The following COPE variants were observed in gnomAD, a reference collection of about 807,000 sequenced individuals.
COPE encodes the protein coat protein complex I subunit epsilon.
A neutral mutation model predicts 42.1 loss-of-function variants in COPE; 19 were observed. The observed-to-expected ratio is 0.45, with a 90% confidence interval of 0.31 to 0.66. The LOEUF (loss-of-function observed/expected upper bound fraction) is 0.66. COPE is among the 30% of genes least tolerant of loss of function. The pLI is 0.05. For missense variants in COPE, 402 were observed against 416.1 expected (o/e 0.97, Z 0.30); for synonymous variants, 195 against 181.3 (o/e 1.08, Z -0.60).
In COPE at chr19:18,913,337, C is replaced by A. The variant is rs377688135; in HGVS notation, c.127-291G>T. Among the ~76,000 whole-genome samples the A allele has an allele frequency of 1.6e-4, 25 of 152,370 alleles. No individual in the cohort carries two copies. The East Asian group carries it at 3.9e-3, about 23-fold the overall frequency. On this transcript the variant is annotated intron_variant, in intron 1 of 9. Transcript: ENST00000262812. ...TTAAGAAGCCAGGGTGGCACCCGCA[C>A]CTCTAACCTCTGGACATGGGGCCAC...
rs559125042 is a variant in COPE at position 18,905,923 on chromosome 19, C to T, written c.444-294G>A. The T allele has an allele frequency of 8.2e-5, 43 of 526,596 alleles. 1 individual carries two copies. The highest frequency in any genetic ancestry group is 3.0e-4 in the South Asian group (11 of 36,536). 32.6% of individuals were successfully genotyped at this position (526,596 alleles called of 1,614,324 possible). ...GTGCTTCCAGATGGAGGGCCCTGCCCGGACTCGACACCCTGGAGGCATCAA... is the reference window on the plus strand; with the variant it reads ...GTGCTTCCAGATGGAGGGCCCTGCCTGGACTCGACACCCTGGAGGCATCAA... On this transcript the variant is annotated intron_variant, in intron 4 of 9. Coordinates refer to ENST00000262812, the MANE Select transcript of COPE (RefSeq NM_007263.4).
intron 1 of COPE, among the ~76,000 whole-genome samples, chr19:18,917,233 CT>C (rs1224483756): frequency 9.2e-6 from 1 of 108,930 alleles, no homozygotes; most frequent in African/African-American, 3.1e-5. Context: ...TAGAAACATT[CT>C]TTTTTTCTTT....
rs754361016 is a variant in COPE, at chr19:18,905,597, A to G, written c.476T>C (p.Leu159Pro). The G allele has an allele frequency of 4.4e-6, 7 of 1,593,472 alleles. No individual in the cohort carries two copies. The highest frequency in any genetic ancestry group is 5.9e-6 in the Non-Finnish European group (7 of 1,177,576). The change falls in exon 5 of 10, where the codon CTG becomes CCG. Residue 159 changes from leucine to proline, a missense_variant. Coordinates refer to ENST00000262812, the MANE Select transcript of COPE (RefSeq NM_007263.4). ...TCACCGGGCGAGGTCCAGGCGGTCCAGCTTCAGCAGGATCTGCACTGTCAT... is the reference window on the plus strand; with the variant it reads ...TCACCGGGCGAGGTCCAGGCGGTCCGGCTTCAGCAGGATCTGCACTGTCAT... ...TAMTVQILLK[L>P]DRLDLARKEL...
chr19:18,906,868 T>A (rs1195746530), intron 4 of COPE, 92 bp downstream of exon 4: 2 of 1,399,172 alleles, frequency 1.4e-6, no homozygotes, highest in African/African-American at 2.9e-5. Context: ...TCTGCTCCCA[T>A]GACGACAGCC....
In COPE at chr19:18,905,634, A is replaced by C. The variant is rs1400979383; in HGVS notation, c.444-5T>G. 6.3e-7 allele frequency: 1 copy of C among 1,591,250 alleles called. No individual in the cohort carries two copies. Among genetic ancestry groups the C allele is most frequent in the South Asian group, 1.1e-5 (1 of 89,032 alleles). ...ATCTGCACTGTCATGGCTGTGCTGC[A>C]GGACAGGGCGAGGGGGCGGTCAGCG... On this transcript the variant is annotated splice_region_variant and splice_polypyrimidine_tract_variant and intron_variant, in intron 4 of 9. Transcript: ENST00000262812.
At chr19:18,900,854 C>T (rs996714260) in intron 7 of COPE, among the ~76,000 whole-genome samples, 5 of 152,162 alleles carry the variant, frequency 3.3e-5, no homozygotes, top group African/African-American at 1.2e-4. Context: ...GGCAGGGGAC[C>T]TTGCCTGACT....
At chr19:18,917,230 ATTCTTTTT>A (rs771421272) in intron 1 of COPE, among the ~76,000 whole-genome samples, 2,848 of 117,182 alleles carry the variant, frequency 0.024, 28 homozygotes, top group Middle Eastern at 0.078. Flanking sequence ...TACTAGAAAC[ATTCTTTTT>A]TTCTTTTTTT....
chr19:18,902,634 C>A (rs1286334059), intron 7 of COPE, among the ~76,000 whole-genome samples: 1 of 124,746 alleles, frequency 8.0e-6, no homozygotes, highest in Non-Finnish European at 1.6e-5. Flanking sequence ...CACTGCACTG[C>A]AGCCTGGGTG....
Position 18,919,045 on chromosome 19 carries a change from T to G in COPE, c.126+178A>C, listed in dbSNP as rs966925750. On this transcript the variant is annotated intron_variant, in intron 1 of 9. Coordinates refer to ENST00000262812, the MANE Select transcript of COPE (RefSeq NM_007263.4). ...TACGAGTGAGCAGTACCGTAAACTG[T>G]TACTGCTCTGGGTTCTGTCACGGGA... Among the ~76,000 whole-genome samples the G allele has an allele frequency of 2.6e-5, 4 of 152,264 alleles. No homozygotes were observed. In the South Asian group the frequency reaches 8.3e-4, roughly 31 times the overall value.
chr19:18,913,031 T>C lies in COPE; in HGVS notation c.142A>G (p.Arg48Gly), dbSNP rs1397750387. 1.9e-6 allele frequency: 3 copies of C among 1,611,548 alleles called. No individual in the cohort carries two copies. The Admixed American group carries it at 5.0e-5, about 27-fold the overall frequency. Residue 48 changes from arginine to glycine, a missense_variant, in exon 2 of 10, where the codon AGA becomes GGA. Physicochemically the swap from Arg to Gly is moderately radical, Grantham distance 125 (BLOSUM62 -2). Transcript: ENST00000262812. Reference sequence around the variant, plus strand: ...AGGAAGACGTCCCTCTCCACGTCTCTCTCTGGGCTTGATAGCTGTGGGAAC... The same window carrying C: ...AGGAAGACGTCCCTCTCCACGTCTCCCTCTGGGCTTGATAGCTGTGGGAAC... ...AQRVKLSSPE[R>G]DVERDVFLYR...
chr19:18,905,133 G>A (rs1053596846), intron 5 of COPE, among the ~76,000 whole-genome samples: 2 of 152,224 alleles, frequency 1.3e-5, no homozygotes, highest in Non-Finnish European at 2.9e-5. Context: ...GGAACGCAGG[G>A]AAGGGCAACG....
At chr19:18,910,083 G>A (rs764386919) in intron 3 of COPE, among the ~76,000 whole-genome samples, 6 of 152,162 alleles carry the variant, frequency 3.9e-5, no homozygotes, top group Non-Finnish European at 5.9e-5. Flanking sequence ...GCCTCCGTGG[G>A]CCAAGGAAGA....
chr19:18,911,908 T>C (rs1233917016), intron 2 of COPE, among the ~76,000 whole-genome samples: 1 of 148,554 alleles, frequency 6.7e-6, no homozygotes, highest in African/African-American at 2.5e-5. Context: ...TGGAGTGTAA[T>C]GCTGTGACCT....
At chr19:18,905,858 C>T (rs2056754178) in intron 4 of COPE, 1 of 553,486 alleles carries the variant, frequency 1.8e-6, no homozygotes, top group Non-Finnish European at 3.2e-6. Flanking sequence ...CAGGCCCCGG[C>T]CCACTCACCG....
chr19:18,901,480 T>C (rs1016229080), intron 7 of COPE, among the ~76,000 whole-genome samples: 2 of 152,206 alleles, frequency 1.3e-5, no homozygotes, highest in African/African-American at 2.4e-5. Flanking sequence ...GAGCTAAAGA[T>C]GGACCCTGCT....
At chr19:18,912,338 C>CG (rs994433096) in intron 2 of COPE, among the ~76,000 whole-genome samples, 10 of 151,608 alleles carry the variant, frequency 6.6e-5, no homozygotes, top group East Asian at 3.9e-4. Flanking sequence ...TTTGTAGAGA[C>CG]GGGGGTCTCA....
chr19:18,904,633 G>T, intron 6 of COPE, 138 bp downstream of exon 6: 1 of 730,378 alleles, frequency 1.4e-6, no homozygotes, highest in Non-Finnish European at 2.3e-6. Context: ...GCTGAGTTAT[G>T]CCAGGCTGGC....
intron 6 of COPE, 29 bp from the exon 7 acceptor site, chr19:18,903,452 G>A (rs567005204): frequency 6.3e-7 from 1 of 1,577,876 alleles, no homozygotes; most frequent in African/African-American, 1.4e-5. Flanking sequence ...ATCATTGCCT[G>A]TGCCCCTGCT....
At chr19:18,908,785 G>A (rs1323648672) in intron 3 of COPE, among the ~76,000 whole-genome samples, 1 of 151,872 alleles carries the variant, frequency 6.6e-6, no homozygotes. Context: ...CCAAAGTGCT[G>A]GGATTACAGG....
Sources: allele counts gnomAD v4.1 joint callset (sites outside exome capture counted in the v4.1 genomes callset), GRCh38; gene constraint gnomAD v4.1.1; transcripts MANE v1.5; gene names NCBI Gene and HGNC (gene_info 2026-07-23, HGNC 2026-07-21).